The following PRKAR1A variants were observed in gnomAD, a reference collection of about 807,000 sequenced individuals.
PRKAR1A encodes the protein protein kinase cAMP-dependent type I regulatory subunit alpha, also known as cAMP-dependent protein kinase type I-alpha regulatory subunit.
Under a neutral mutation model 52.0 loss-of-function variants are expected in PRKAR1A, and 3 were observed. The observed-to-expected ratio is 0.06, with a 90% CI of 0.03 to 0.15. The LOEUF (loss-of-function observed/expected upper bound fraction) is 0.15, where lower values mean the gene tolerates loss of function less well. PRKAR1A is among the 10% of genes least tolerant of loss of function. The pLI, the probability that PRKAR1A is intolerant of heterozygous loss-of-function variation, is 1.00. For missense variants in PRKAR1A, 240 were observed against 477.4 expected (o/e 0.50, Z 4.63); for synonymous variants, 188 against 168.4 (o/e 1.12, Z -0.90).
rs370433094 is a variant in PRKAR1A at position 68,532,272 on chromosome 17, A to G, written c.*1823A>G. ...TGATTTGATCTTTGTTTAAATGCCAAAATGTACTTAAATGAGTTACTTAGA... is the reference window on the plus strand; with the variant it reads ...TGATTTGATCTTTGTTTAAATGCCAGAATGTACTTAAATGAGTTACTTAGA... On this transcript the variant is annotated 3_prime_UTR_variant, in exon 11 of 11. Transcript: ENST00000589228. The G allele has an allele frequency of 5.6e-5, 58 of 1,043,982 alleles. No individual in the cohort carries two copies. In the African/African-American group the frequency reaches 8.1e-4, roughly 15 times the overall value. The allele number at this position is 1,043,982 out of a possible 1,614,324, so 64.7% of individuals were successfully genotyped here. A position where few individuals can be genotyped will look rare whatever the true frequency, so the allele number is the denominator to read the frequency against.
chr17:68,490,514 G>A, the PRKAR1A span, among the ~76,000 whole-genome samples: 3 of 152,206 alleles, frequency 2.0e-5, no homozygotes, highest in Non-Finnish European at 4.4e-5. Flanking sequence ...CCTGCACAGG[G>A]AGTGTTGGGT....
chr17:68,490,255 G>A, the PRKAR1A span, among the ~76,000 whole-genome samples: 15 of 152,244 alleles, frequency 9.9e-5, no homozygotes, highest in African/African-American at 3.6e-4. Context: ...TTGTGGCAGA[G>A]GGGGCAAGCG....
the PRKAR1A span, among the ~76,000 whole-genome samples, chr17:68,497,457 C>T: frequency 2.0e-3 from 308 of 152,282 alleles, 1 homozygote; most frequent in Middle Eastern, 6.8e-3. Flanking sequence ...TAGTCACTAG[C>T]TACAGCTGGC....
At chr17:68,465,114 A>G in the PRKAR1A span, among the ~76,000 whole-genome samples, 2 of 150,294 alleles carry the variant, frequency 1.3e-5, no homozygotes, top group African/African-American at 4.9e-5. Flanking sequence ...TTGTATTTTC[A>G]GTAGATACGG....
intron 11 of PRKAR1A, chr17:68,542,892 T>G: frequency 9.4e-7 from 1 of 1,066,036 alleles, no homozygotes; most frequent in Non-Finnish European, 1.4e-6. Context: ...CAGTGCACAT[T>G]AGGAATTGGC....
At chr17:68,547,706 A>G (rs1439884084) in intron 11 of PRKAR1A, among the ~76,000 whole-genome samples, 1 of 152,226 alleles carries the variant, frequency 6.6e-6, no homozygotes, top group Admixed American at 6.5e-5. Context: ...GCTTAAGGGA[A>G]TGCTGTGGCT....
At chr17:68,485,606 A>G in the PRKAR1A span, among the ~76,000 whole-genome samples, 3 of 152,176 alleles carry the variant, frequency 2.0e-5, no homozygotes, top group Non-Finnish European at 2.9e-5. Context: ...TTTACATCCA[A>G]AGCTTTTGGA....
intron 8 of PRKAR1A, 148 bp from the exon 9 acceptor site, chr17:68,528,722 A>G (rs2085870099): frequency 2.0e-6 from 2 of 1,014,248 alleles, no homozygotes; most frequent in Non-Finnish European, 3.0e-6. Flanking sequence ...GACTAGAGGT[A>G]ATTGAAGACA....
At chr17:68,454,076 G>C in the PRKAR1A span, among the ~76,000 whole-genome samples, 1 of 152,080 alleles carries the variant, frequency 6.6e-6, no homozygotes, top group African/African-American at 2.4e-5. Context: ...AAAAAAATCT[G>C]GTTCTCTTAA....
chr17:68,424,348 C>G, the PRKAR1A span: 1 of 490,524 alleles, frequency 2.0e-6, no homozygotes, highest in South Asian at 1.5e-5. Flanking sequence ...GCCCTGCATG[C>G]AGGGCCCCAC....
chr17:68,506,188 G>C, the PRKAR1A span, among the ~76,000 whole-genome samples: 1 of 149,624 alleles, frequency 6.7e-6, no homozygotes, highest in Non-Finnish European at 1.5e-5. Flanking sequence ...CCCTACCACA[G>C]GCCACTGATC....
At chr17:68,427,051 G>T in the PRKAR1A span, 4 of 1,160,088 alleles carry the variant, frequency 3.4e-6, no homozygotes, top group East Asian at 2.4e-5. Context: ...TAACAGTGAA[G>T]GGGGAAGGGG....
the PRKAR1A span, among the ~76,000 whole-genome samples, chr17:68,496,049 CTCCTT>C: frequency 2.0e-5 from 1 of 50,638 alleles, no homozygotes; most frequent in Admixed American, 2.2e-4. Context: ...CTCCTCTCCT[CTCCTT>C]TCTTTCTGAT....
intron 11 of PRKAR1A, among the ~76,000 whole-genome samples, chr17:68,546,229 A>G (rs2086559608): frequency 6.7e-6 from 1 of 149,312 alleles, no homozygotes; most frequent in African/African-American, 2.5e-5. Context: ...TTGATCATGC[A>G]GTTGCAACAA....
At chr17:68,539,143 G>A (rs980092394) in intron 11 of PRKAR1A, among the ~76,000 whole-genome samples, 4 of 152,172 alleles carry the variant, frequency 2.6e-5, no homozygotes, top group African/African-American at 7.2e-5. Context: ...TGAGACCACC[G>A]TCATATATGC....
chr17:68,505,429 A>G, the PRKAR1A span, among the ~76,000 whole-genome samples: 1 of 152,354 alleles, frequency 6.6e-6, no homozygotes, highest in East Asian at 1.9e-4. Flanking sequence ...CTGTAATGGT[A>G]GATGTAAATG....
the PRKAR1A span, chr17:68,433,328 A>T: frequency 1.3e-6 from 1 of 798,128 alleles, no homozygotes; most frequent in Non-Finnish European, 2.0e-6. Flanking sequence ...TTGCTAACAC[A>T]CACTCCATCA....
chr17:68,449,070 A>C, the PRKAR1A span, among the ~76,000 whole-genome samples: 13 of 152,314 alleles, frequency 8.5e-5, no homozygotes. Flanking sequence ...AAAAGCATTT[A>C]TTTGTCTCAT....
the PRKAR1A span, among the ~76,000 whole-genome samples, chr17:68,491,893 G>C: frequency 6.6e-6 from 1 of 152,226 alleles, no homozygotes; most frequent in East Asian, 1.9e-4. Flanking sequence ...TGGTCCTGTG[G>C]CATAACAGGA....
Sources: allele counts gnomAD v4.1 joint callset (sites outside exome capture counted in the v4.1 genomes callset), GRCh38; gene constraint gnomAD v4.1.1; transcripts MANE v1.5; gene names NCBI Gene and HGNC (gene_info 2026-07-23, HGNC 2026-07-21).